The following XKR4 variants were observed in gnomAD, a reference collection of about 807,000 sequenced individuals.
XKR4 encodes the protein XK-related protein 4.
A neutral mutation model predicts 53.9 loss-of-function variants in XKR4; 12 were observed. The observed-to-expected ratio is 0.22, with a 90% CI of 0.14 to 0.36. The LOEUF (loss-of-function observed/expected upper bound fraction) is 0.36. Among genes scored for constraint, XKR4 ranks in the 10% least tolerant of loss-of-function variants. The pLI is 1.00. For missense variants in XKR4, 799 were observed against 859.5 expected (o/e 0.93, Z 0.88); for synonymous variants, 354 against 362.4 (o/e 0.98, Z 0.26).
intron 1 of XKR4, among the ~76,000 whole-genome samples, chr8:55,245,485 C>T (rs1818272783): frequency 1.3e-5 from 2 of 152,112 alleles, no homozygotes; most frequent in South Asian, 4.1e-4. Flanking sequence ...GGGTCCATAC[C>T]TTTCCCTGCT....
intron 2 of XKR4, among the ~76,000 whole-genome samples, chr8:55,486,343 C>A (rs1806190527): frequency 6.6e-6 from 1 of 152,314 alleles, no homozygotes; most frequent in South Asian, 2.1e-4. Context: ...GAAATAGTAT[C>A]TTTTACAACC....
chr8:55,304,504 C>T (rs1427205064), intron 1 of XKR4, among the ~76,000 whole-genome samples: 1 of 152,142 alleles, frequency 6.6e-6, no homozygotes, highest in Non-Finnish European at 1.5e-5. Context: ...CTGTAGATGT[C>T]TTTTAGGTCC....
At chr8:55,463,616 A>G (rs1432147313) in intron 2 of XKR4, among the ~76,000 whole-genome samples, 1 of 152,162 alleles carries the variant, frequency 6.6e-6, no homozygotes, top group Non-Finnish European at 1.5e-5. Context: ...GGCAAGAAAT[A>G]ACTAATATCA....
chr8:55,139,104 T>C (rs1816667188), intron 1 of XKR4, among the ~76,000 whole-genome samples: 1 of 152,216 alleles, frequency 6.6e-6, no homozygotes, highest in African/African-American at 2.4e-5. Context: ...TAAACTCAAA[T>C]TTGAATTCTC....
intron 2 of XKR4, among the ~76,000 whole-genome samples, chr8:55,409,861 G>C (rs1490800975): frequency 1.3e-5 from 2 of 152,174 alleles, no homozygotes; most frequent in Non-Finnish European, 2.9e-5. Context: ...TGATTGCTGA[G>C]AAAGTGGAGA....
chr8:55,241,703 C>T (rs1022297151), intron 1 of XKR4, among the ~76,000 whole-genome samples: 1 of 152,150 alleles, frequency 6.6e-6, no homozygotes, highest in Admixed American at 6.6e-5. Flanking sequence ...TCATATATGG[C>T]TTAAGGAATG....
At chr8:55,140,388 CAG>C (rs1234514081) in intron 1 of XKR4, among the ~76,000 whole-genome samples, 1 of 152,174 alleles carries the variant, frequency 6.6e-6, no homozygotes, top group Non-Finnish European at 1.5e-5. Flanking sequence ...CCACATGTGA[CAG>C]AGAAACTTCT....
chr8:55,450,408 C>T (rs1255138212), intron 2 of XKR4: 4 of 579,498 alleles, frequency 6.9e-6, no homozygotes, highest in Non-Finnish European at 1.2e-5. Flanking sequence ...AGTTGTGGAA[C>T]ATGGCTGTCC....
At chr8:55,310,061 G>T (rs1421493992) in intron 1 of XKR4, among the ~76,000 whole-genome samples, 1 of 152,102 alleles carries the variant, frequency 6.6e-6, no homozygotes. Flanking sequence ...CTGTGTGTGT[G>T]TGTGCATGTT....
chr8:55,521,557 G>C lies in XKR4; in HGVS notation c.1007-1724G>C, dbSNP rs372446175. 4.6e-5 allele frequency among the ~76,000 whole-genome samples: 7 copies of C among 152,244 alleles called. No homozygotes were observed. In the South Asian group the frequency reaches 8.3e-4, roughly 18 times the overall value. On this transcript the variant is annotated intron_variant, in intron 2 of 2. Coordinates refer to ENST00000327381, the MANE Select transcript of XKR4 (RefSeq NM_052898.2). Reference sequence around the variant, plus strand: ...ACAGCAATTAAAGATTTTTGTGCTAGCCAGAAAAAGAAAAGAAAAGAAAAA... The same window carrying C: ...ACAGCAATTAAAGATTTTTGTGCTACCCAGAAAAAGAAAAGAAAAGAAAAA...
At chr8:55,142,441 A>G (rs1409349273) in intron 1 of XKR4, 2 of 199,938 alleles carry the variant, frequency 1.0e-5, no homozygotes, top group Non-Finnish European at 2.1e-5. Flanking sequence ...GTCCTCCTGA[A>G]AAGCAGGCCC....
intron 1 of XKR4, among the ~76,000 whole-genome samples, chr8:55,218,095 T>A (rs1052931694): frequency 6.6e-6 from 1 of 152,214 alleles, no homozygotes; most frequent in African/African-American, 2.4e-5. Flanking sequence ...CAACAAATGT[T>A]ATCTCATTTA....
rs1045533160 is a variant in XKR4, at chr8:55,220,194, T to C, written c.806+116900T>C. On this transcript the variant is annotated intron_variant, in intron 1 of 2. Coordinates refer to ENST00000327381, the MANE Select transcript of XKR4 (RefSeq NM_052898.2). ...CATCCCCCATAAATATACATAATTA[T>C]TATTTATCAATTAAAAATAAATAAT... Among the ~76,000 whole-genome samples the C allele has an allele frequency of 3.3e-4, 50 of 152,102 alleles. 1 individual carries two copies. The highest frequency in any genetic ancestry group is 3.3e-4 in the Admixed American group (5 of 15,280).
At chr8:55,290,580 C>G (rs1819004787) in intron 1 of XKR4, among the ~76,000 whole-genome samples, 2 of 152,148 alleles carry the variant, frequency 1.3e-5, no homozygotes, top group African/African-American at 4.8e-5. Flanking sequence ...CTCCCTCCCC[C>G]TGCACCACCC....
chr8:55,270,160 G>T (rs1354611502), intron 1 of XKR4, among the ~76,000 whole-genome samples: 1 of 152,156 alleles, frequency 6.6e-6, no homozygotes, highest in East Asian at 1.9e-4. Flanking sequence ...AAGGATGAAT[G>T]CCACATGCCT....
intron 1 of XKR4, among the ~76,000 whole-genome samples, chr8:55,350,739 T>G (rs1270063392): frequency 1.1e-5 from 1 of 91,400 alleles, no homozygotes; most frequent in Non-Finnish European, 2.5e-5. Context: ...TTTTCTTTTC[T>G]TTTTTTTTTT....
At chr8:55,293,211 T>G (rs1392561031) in intron 1 of XKR4, among the ~76,000 whole-genome samples, 1 of 152,108 alleles carries the variant, frequency 6.6e-6, no homozygotes, top group African/African-American at 2.4e-5. Flanking sequence ...GGTGGGTGCC[T>G]GTAATTCCAG....
chr8:55,253,615 A>G (rs1396258911), intron 1 of XKR4, among the ~76,000 whole-genome samples: 1 of 152,240 alleles, frequency 6.6e-6, no homozygotes, highest in Non-Finnish European at 1.5e-5. Flanking sequence ...TGCAGGCAGC[A>G]AGTCACATTT....
intron 1 of XKR4, among the ~76,000 whole-genome samples, chr8:55,229,614 A>T (rs1818003754): frequency 6.6e-6 from 1 of 152,156 alleles, no homozygotes; most frequent in Non-Finnish European, 1.5e-5. Flanking sequence ...ATTCCTCCTG[A>T]GTTTCTCCAC....
Sources: gnomAD v4.1 joint callset for allele counts (sites outside exome capture counted in the v4.1 genomes callset) on GRCh38, gnomAD v4.1.1 for gene constraint, MANE v1.5 for transcripts, NCBI Gene and HGNC (gene_info 2026-07-23, HGNC 2026-07-21) for gene names.